Variants in ZNF841 observed in about 807,000 individuals in gnomAD.
ZNF841 encodes TCONS_00006091.
A neutral mutation model predicts 13.0 loss-of-function variants in ZNF841; 11 were observed. The observed-to-expected ratio is 0.85, with a 90% CI of 0.53 to 1.40. The LOEUF (loss-of-function observed/expected upper bound fraction) is 1.40, where lower values mean the gene tolerates loss of function less well. Among genes scored for constraint, ZNF841 ranks in the 40% most tolerant of loss-of-function variants. The pLI, the probability that ZNF841 is intolerant of heterozygous loss-of-function variation, is 0.00. For synonymous variants in ZNF841, 369 were observed against 381.6 expected, an observed-to-expected ratio of 0.97 and a Z score of 0.38; for missense variants, 1,068 against 1,139.5, an observed-to-expected ratio of 0.94 and a Z score of 0.90.
the ZNF841 span, among the ~76,000 whole-genome samples, chr19:52,059,370 A>AAAAATATATATAT: frequency 2.0e-3 from 141 of 69,552 alleles, 3 homozygotes; most frequent in African/African-American, 0.011. Context: ...AAAAAAAAAA[A>AAAAATATATATAT]ATATATATAT....
intron 6 of ZNF841, 141 bp from the exon 7 acceptor site, chr19:52,067,751 A>G: frequency 1.9e-6 from 1 of 526,026 alleles, no homozygotes; most frequent in Non-Finnish European, 3.0e-6. Flanking sequence ...TATTTGTAGA[A>G]ATGCAAAATG....
At chr19:52,071,197 A>G (rs972235678) in intron 6 of ZNF841, among the ~76,000 whole-genome samples, 2 of 152,172 alleles carry the variant, frequency 1.3e-5, no homozygotes, top group African/African-American at 4.8e-5. Flanking sequence ...AAGAAAACAG[A>G]TTTATGTCTC....
At position 52,067,380 on chromosome 19, in the gene ZNF841, C is replaced by T. The variant is rs2087613066; in HGVS notation, c.502G>A (p.Val168Ile). Residue 168 changes from valine to isoleucine, a missense_variant, in exon 7 of 7, where the codon GTT becomes ATT. Val to Ile is a conservative substitution (Grantham distance 29). Transcript: ENST00000594440. ...TCTACGTCCCCTTGACTATGTCGAA[C>T]TCTTTGACCAGTAAGATTGTTTTTA... is the stretch of plus-strand genomic sequence containing the variant. ...THKNNLTGQR[V>I]RHSQGDVENK... 1 of 1,546,940 alleles carries T rather than the reference C, an allele frequency of 6.5e-7. No individual in the cohort carries two copies. The highest frequency in any genetic ancestry group is 8.7e-7 in the Non-Finnish European group (1 of 1,145,206).
chr19:52,071,882 C>T (rs73066174), intron 6 of ZNF841, among the ~76,000 whole-genome samples: 23,913 of 152,168 alleles, frequency 0.16, 2,211 homozygotes, highest in South Asian at 0.3. Context: ...AGTGTTTATA[C>T]TCCACAGTCA....
intron 4 of ZNF841, among the ~76,000 whole-genome samples, chr19:52,082,645 T>G (rs898304908): frequency 6.6e-6 from 1 of 152,170 alleles, no homozygotes; most frequent in Admixed American, 6.5e-5. Flanking sequence ...CAGACACTTG[T>G]GGTGAAGACA....
Position 52,065,027 on chromosome 19 carries a change from C to G in ZNF841, c.*80G>C. ...ATCACCTCCCACTAGGCTCCACCTC[C>G]AATACTGGAGATTACTACAATTCCA... On this transcript the variant is annotated 3_prime_UTR_variant, in exon 7 of 7. Transcript: ENST00000594440. 1.5e-6 allele frequency: 2 copies of G among 1,296,550 alleles called. No homozygotes were observed. Among genetic ancestry groups the G allele is most frequent in the Non-Finnish European group, 2.1e-6 (2 of 969,692 alleles). The allele number at this position is 1,296,550 out of a possible 1,614,324, so 80.3% of individuals were successfully genotyped here.
At chr19:52,085,453 C>A (rs970806144) in intron 3 of ZNF841, among the ~76,000 whole-genome samples, 6 of 152,230 alleles carry the variant, frequency 3.9e-5, no homozygotes, top group Non-Finnish European at 8.8e-5. Context: ...CTGCTGTCCC[C>A]TTGGGGCTTC....
At chr19:52,092,971 C>T (rs950029580) in intron 2 of ZNF841, among the ~76,000 whole-genome samples, 7 of 152,100 alleles carry the variant, frequency 4.6e-5, no homozygotes, top group African/African-American at 1.7e-4. Flanking sequence ...ACACAAAAAG[C>T]TGGGCGTGGT....
Position 52,065,534 on chromosome 19 carries a change from T to A in ZNF841, c.2348A>T (p.His783Leu). Reference protein sequence around the residue: ...VFRYRSGLARHWSIHTGEKPY... With the variant: ...VFRYRSGLARLWSIHTGEKPY... ...TTTCTCTCCAGTATGAATACTCCAA[T>A]GACGTGCGAGGCCTGAGCGATAACG... The change falls in exon 7 of 7, where the codon CAT becomes CTT. Residue 783 changes from histidine to leucine, a missense_variant. By Grantham distance (99) the His-to-Leu change is moderately conservative (BLOSUM62 -3). Coordinates refer to ENST00000594440, the MANE Select transcript of ZNF841 (RefSeq NM_001136499.2). 5 of 1,614,214 alleles carry A rather than the reference T, an allele frequency of 3.1e-6. No individual in the cohort carries two copies. The highest frequency in any genetic ancestry group is 4.2e-6 in the Non-Finnish European group (5 of 1,180,020).
Position 52,064,658 on chromosome 19 carries a change from G to C in ZNF841, c.*449C>G, listed in dbSNP as rs1019012900. 6.5e-6 allele frequency: 1 copy of C among 154,770 alleles called. No individual in the cohort carries two copies. Among genetic ancestry groups the C allele is most frequent in the Non-Finnish European group, 1.5e-5 (1 of 68,952 alleles). The allele number at this position is 154,770 out of a possible 1,614,324, so 9.6% of individuals were successfully genotyped here. ...CTTTCGTGCGTGCGTGTGCGTGATG[G>C]AGTCTCACTCTGTCACCCAGGCTAG... On this transcript the variant is annotated 3_prime_UTR_variant, in exon 7 of 7. Coordinates refer to ENST00000594440, the MANE Select transcript of ZNF841 (RefSeq NM_001136499.2).
the ZNF841 span, among the ~76,000 whole-genome samples, chr19:52,059,348 T>TAAAAA: frequency 2.0e-3 from 91 of 45,902 alleles, no homozygotes; most frequent in Non-Finnish European, 2.4e-3. Flanking sequence ...AGACTCTGTC[T>TAAAAA]AAAAAAAAAA....
At chr19:52,075,200 C>CA (rs1318547057) in intron 6 of ZNF841, among the ~76,000 whole-genome samples, 2 of 151,984 alleles carry the variant, frequency 1.3e-5, no homozygotes, top group East Asian at 1.9e-4. Flanking sequence ...GTCTCAGAGG[C>CA]AAAAAATCAC....
chr19:52,092,769 A>C (rs541905825), intron 2 of ZNF841, among the ~76,000 whole-genome samples: 1 of 152,356 alleles, frequency 6.6e-6, no homozygotes, highest in East Asian at 1.9e-4. Context: ...ACCAGTAGTT[A>C]GAGATCATGC....
chr19:52,087,146 T>C (rs371985517), intron 3 of ZNF841, among the ~76,000 whole-genome samples: 4 of 152,354 alleles, frequency 2.6e-5, no homozygotes, highest in African/African-American at 7.2e-5. Flanking sequence ...TCTGTAGAAG[T>C]AAAAATGAAT....
Position 52,067,509 on chromosome 19 carries a change from C to G in ZNF841, c.373G>C (p.Asp125His). 8.2e-6 allele frequency: 13 copies of G among 1,591,698 alleles called. No homozygotes were observed. Among genetic ancestry groups the G allele is most frequent in the Non-Finnish European group, 1.1e-5 (13 of 1,167,240 alleles). The stretch of plus-strand genomic sequence containing the variant: ...TCCCTGAAGTAAAAATTTTCAGTGT[C>G]ATAGCTTTCATGTCCTTCCAACATC... ...AVMLEGHESY[D>H]TENFYFREIR... Residue 125 changes from aspartate (D) to histidine (H), a missense_variant, in exon 7 of 7, where the codon GAC (aspartate) becomes CAC (histidine). Coordinates refer to ENST00000594440, the MANE Select transcript of ZNF841 (RefSeq NM_001136499.2).
chr19:52,085,733 G>A (rs1336488953), intron 3 of ZNF841, among the ~76,000 whole-genome samples: 1 of 152,206 alleles, frequency 6.6e-6, no homozygotes, highest in African/African-American at 2.4e-5. Context: ...GGCCTGTGTG[G>A]CTGGAGCAGA....
At chr19:52,091,569 A>G (rs1342353241) in intron 2 of ZNF841, among the ~76,000 whole-genome samples, 1 of 152,256 alleles carries the variant, frequency 6.6e-6, no homozygotes, top group Non-Finnish European at 1.5e-5. Flanking sequence ...AAGGGCACCA[A>G]GAATATACAA....
intron 2 of ZNF841, among the ~76,000 whole-genome samples, chr19:52,092,253 A>G (rs1040522106): frequency 6.6e-6 from 1 of 152,232 alleles, no homozygotes; most frequent in Non-Finnish European, 1.5e-5. Flanking sequence ...TATATTTAAT[A>G]AGTGGTTAAT....
chr19:52,069,831 C>T (rs1423728988), intron 6 of ZNF841, among the ~76,000 whole-genome samples: 3 of 152,126 alleles, frequency 2.0e-5, no homozygotes, highest in Non-Finnish European at 4.4e-5. Context: ...GCTGTTTAAA[C>T]CACCCTATCT....
Sources: allele counts gnomAD v4.1 joint callset (sites outside exome capture counted in the v4.1 genomes callset), GRCh38; gene constraint gnomAD v4.1.1; transcripts MANE v1.5; gene names NCBI Gene and HGNC (gene_info 2026-07-23, HGNC 2026-07-21).